The following CAND2 variants were observed in gnomAD, a reference collection of about 807,000 sequenced individuals.
CAND2 encodes the protein cullin associated and neddylation dissociated 2 (putative), also known as cullin-associated NEDD8-dissociated protein 2.
A neutral mutation model predicts 98.9 loss-of-function variants in CAND2; 62 were observed. That is an observed-to-expected ratio of 0.63 (90% CI 0.51 to 0.77). CAND2 has a LOEUF of 0.77. Among genes scored for constraint, CAND2 ranks in the 30% least tolerant of loss-of-function variants. The pLI is 0.00. For synonymous variants in CAND2, 770 were observed against 731.9 expected (o/e 1.05, Z -0.84); for missense variants, 1,501 against 1,655.2 (o/e 0.91, Z 1.62).
chr3:12,823,956 T>C (rs1470852609), intron 11 of CAND2, among the ~76,000 whole-genome samples: 3 of 87,884 alleles, frequency 3.4e-5, no homozygotes, highest in African/African-American at 1.7e-4. Flanking sequence ...TTTTTAGGGA[T>C]TCCCCCATCC....
At chr3:12,805,635 A>G (rs2061801078) in intron 2 of CAND2, among the ~76,000 whole-genome samples, 1 of 152,202 alleles carries the variant, frequency 6.6e-6, no homozygotes, top group African/African-American at 2.4e-5. Context: ...TTTCCCAGAA[A>G]ACAAAGTAGA....
intron 13 of CAND2, among the ~76,000 whole-genome samples, chr3:12,831,066 C>CCTTTTTT (rs144339544): frequency 6.6e-6 from 1 of 151,142 alleles, no homozygotes; most frequent in African/African-American, 2.4e-5. Context: ...AAAATCGAGA[C>CCTTTTTT]TTTTTTTTTA....
At position 12,834,520 on chromosome 3, in the gene CAND2, G is replaced by A. The variant is rs539572195; in HGVS notation, c.*538G>A. The A allele has an allele frequency of 6.5e-6, 1 of 154,960 alleles. No homozygotes were observed. The highest frequency in any genetic ancestry group is 2.4e-5 in the African/African-American group (1 of 41,598). The allele number at this position is 154,960 out of a possible 1,614,324, so 9.6% of individuals were successfully genotyped here. A position where few individuals can be genotyped will look rare whatever the true frequency, so the allele number is the denominator to read the frequency against. ...GCAGTGATGAATCAGAAATTTGGAAGATGATACGGGTTTCTTTTTTCCAGG... is the reference window on the plus strand; with the variant it reads ...GCAGTGATGAATCAGAAATTTGGAAAATGATACGGGTTTCTTTTTTCCAGG... On this transcript the variant is annotated 3_prime_UTR_variant, in exon 15 of 15. Transcript: ENST00000456430.
intron 1 of CAND2, among the ~76,000 whole-genome samples, chr3:12,797,100 T>A (rs923152979): frequency 3.4e-5 from 5 of 148,906 alleles, no homozygotes; most frequent in African/African-American, 1.2e-4. Flanking sequence ...CTCTGCACCC[T>A]GCCTCGGCCT....
intron 10 of CAND2, among the ~76,000 whole-genome samples, chr3:12,819,387 G>C (rs2061936168): frequency 1.3e-5 from 2 of 152,226 alleles, no homozygotes; most frequent in Non-Finnish European, 1.5e-5. Flanking sequence ...GAGCAAAGGG[G>C]GCGAGCCACT....
At position 12,810,044 on chromosome 3, in the gene CAND2, C is replaced by G; in HGVS notation, c.492-15C>G. 7.1e-7 allele frequency: 1 copy of G among 1,405,140 alleles called. No homozygotes were observed. The highest frequency in any genetic ancestry group is 9.2e-7 in the Non-Finnish European group (1 of 1,081,336). The allele number at this position is 1,405,140 out of a possible 1,614,324, so 87.0% of individuals were successfully genotyped here. Reference sequence around the variant, plus strand: ...GCGGAGTGCGATCGGCCTGATGCCCCCTCGTGCTCCCCAGGCTGGGTGTCC... The same window carrying G: ...GCGGAGTGCGATCGGCCTGATGCCCGCTCGTGCTCCCCAGGCTGGGTGTCC... On this transcript the variant is annotated splice_polypyrimidine_tract_variant and intron_variant, in intron 4 of 14. Coordinates refer to ENST00000456430, the MANE Select transcript of CAND2 (RefSeq NM_001162499.2).
rs532472799 is a variant in CAND2, at chr3:12,810,311, C to T, written c.744C>T (p.Ala248=). ...GTTTGGGCAGCGTCGGCCGCCAGGC[C>T]GGCCACCGCCTCGGTAAGGGGGCAG... is the stretch of plus-strand genomic sequence containing the variant. The part of the protein sequence containing the change: ...IQCLGSVGRQ[A]GHRLGAHLDR... Residue 248 remains alanine (A), a synonymous_variant, in exon 5 of 15, where the codon GCC becomes GCT. Coordinates refer to ENST00000456430, the MANE Select transcript of CAND2 (RefSeq NM_001162499.2). 5.5e-5 allele frequency: 80 copies of T among 1,456,270 alleles called. No individual in the cohort carries two copies. The highest frequency in any genetic ancestry group is 7.0e-5 in the Non-Finnish European group (77 of 1,104,238). The allele number at this position is 1,456,270 out of a possible 1,614,324, so 90.2% of individuals were successfully genotyped here.
rs1481658813 is a variant in CAND2, at chr3:12,807,351, C to T, written c.258C>T (p.Thr86=). Reference sequence around the variant, plus strand: ...AAGTGAAGGAGTACCAGGTGGAGACCATTGTGGACACCCTGTGCACCAACA... The same window carrying T: ...AAGTGAAGGAGTACCAGGTGGAGACTATTGTGGACACCCTGTGCACCAACA... ...VVKVKEYQVE[T]IVDTLCTNMR... Residue 86 remains threonine, a synonymous_variant, in exon 3 of 15, where the codon ACC becomes ACT. Transcript: ENST00000456430. The T allele has an allele frequency of 1.3e-6, 2 of 1,551,630 alleles. No homozygotes were observed. Among genetic ancestry groups the T allele is most frequent in the East Asian group, 2.4e-5 (1 of 40,918 alleles).
At chr3:12,817,974 A>G in intron 10 of CAND2, 98 bp downstream of exon 10, 1 of 1,121,402 alleles carries the variant, frequency 8.9e-7, no homozygotes, top group Non-Finnish European at 1.2e-6. Flanking sequence ...ATTTCAAGTC[A>G]CTGGATACAA....
At chr3:12,811,712 C>T (rs903916032) in intron 5 of CAND2, among the ~76,000 whole-genome samples, 3 of 152,112 alleles carry the variant, frequency 2.0e-5, no homozygotes, top group African/African-American at 7.2e-5. Context: ...GCTGGCACTA[C>T]AGGCGCACGC....
intron 12 of CAND2, 55 bp downstream of exon 12, chr3:12,825,694 G>T (rs376630860): frequency 1.4e-5 from 22 of 1,520,358 alleles, no homozygotes; most frequent in Middle Eastern, 1.7e-4. Flanking sequence ...CACCTCTCAT[G>T]CCTCACTGTT....
At chr3:12,819,656 C>A (rs116727110) in intron 10 of CAND2, among the ~76,000 whole-genome samples, 1 of 152,114 alleles carries the variant, frequency 6.6e-6, no homozygotes, top group South Asian at 2.1e-4. Flanking sequence ...GAACTTAAAC[C>A]CTCTGAGTCT....
chr3:12,825,369 C>A, intron 11 of CAND2, 101 bp from the exon 12 acceptor site: 1 of 1,184,560 alleles, frequency 8.4e-7, no homozygotes, highest in Non-Finnish European at 1.2e-6. Flanking sequence ...CCCATTCAGC[C>A]AGTTCTGCAC....
intron 5 of CAND2, among the ~76,000 whole-genome samples, chr3:12,812,682 G>GCGTGAGCCAC (rs113018394): frequency 0.023 from 3,440 of 152,210 alleles, 119 homozygotes; most frequent in African/African-American, 0.076. Context: ...GGGATTACAG[G>GCGTGAGCCAC]CGCGCCTGGC....
rs549950370 is a variant in CAND2, at chr3:12,815,457, C to T, written c.1299+24C>T. On this transcript the variant is annotated intron_variant, in intron 8 of 14. Coordinates refer to ENST00000456430, the MANE Select transcript of CAND2 (RefSeq NM_001162499.2). The surrounding 1 kb of genome is among the most constrained non-coding windows in gnomAD (Gnocchi z 5.7). ...AGGTGGGCGTGCCTTCACCTCCACC[C>T]CTACCCCCGATTTGCCTACCCAGCC... is the stretch of plus-strand genomic sequence containing the variant. 3 of 1,588,278 alleles carry T rather than the reference C, an allele frequency of 1.9e-6. No homozygotes were observed. The highest frequency in any genetic ancestry group is 1.3e-5 in the African/African-American group (1 of 74,554).
chr3:12,820,372 A>G (rs1028335645), intron 11 of CAND2, among the ~76,000 whole-genome samples, 191 bp downstream of exon 11: 1 of 152,302 alleles, frequency 6.6e-6, no homozygotes, highest in South Asian at 2.1e-4. Flanking sequence ...CTGCCACTCA[A>G]TCATGGGTGG....
intron 11 of CAND2, among the ~76,000 whole-genome samples, chr3:12,822,584 C>T (rs2061966071): frequency 6.6e-6 from 1 of 152,146 alleles, no homozygotes; most frequent in Non-Finnish European, 1.5e-5. Context: ...CAGACGTGAG[C>T]CCCCGTGCCC....
chr3:12,831,679 G>C (rs1274164226), intron 14 of CAND2, 107 bp downstream of exon 14: 3 of 653,282 alleles, frequency 4.6e-6, no homozygotes, highest in South Asian at 3.9e-5. Flanking sequence ...AGGTGATGTT[G>C]TGAAAGTGCT....
Position 12,817,164 on chromosome 3 carries a change from G to A in CAND2, c.2232G>A (p.Leu744=), listed in dbSNP as rs2061913787. The A allele has an allele frequency of 1.9e-6, 3 of 1,612,888 alleles. No homozygotes were observed. Among genetic ancestry groups the A allele is most frequent in the Non-Finnish European group, 2.5e-6 (3 of 1,179,982 alleles). ...TGCTCTCAGAGCTGCTGCGGCTGCTGCGTTCGCCCCTGTTGCCAGCCGGGG... is the reference window on the plus strand; with the variant it reads ...TGCTCTCAGAGCTGCTGCGGCTGCTACGTTCGCCCCTGTTGCCAGCCGGGG... ...GPVLSELLRL[L]RSPLLPAGVL... Residue 744 remains leucine (L), a synonymous_variant, in exon 10 of 15, where the codon CTG becomes CTA. Transcript: ENST00000456430.
Sources: allele counts gnomAD v4.1 joint callset (sites outside exome capture counted in the v4.1 genomes callset), GRCh38; gene constraint gnomAD v4.1.1; non-coding constraint Gnocchi (gnomAD v3.1); transcripts MANE v1.5; gene names NCBI Gene and HGNC (gene_info 2026-07-23, HGNC 2026-07-21).